The following CAMK1D variants were observed in gnomAD, a reference collection of about 807,000 sequenced individuals.
The protein encoded by CAMK1D is calcium/calmodulin dependent protein kinase ID, also known as calcium/calmodulin-dependent protein kinase type 1D.
Under a neutral mutation model 47.7 loss-of-function variants are expected in CAMK1D, and 9 were observed. The ratio of observed to expected loss-of-function variants is 0.19; its 90% CI spans 0.11 to 0.33. The LOEUF (loss-of-function observed/expected upper bound fraction) is 0.33, where lower values mean the gene tolerates loss of function less well. Ranked by LOEUF, CAMK1D falls within the 10% of genes least tolerant of loss-of-function variation. The pLI is 1.00. For missense variants in CAMK1D, 291 were observed against 488.7 expected (o/e 0.60, Z 3.81); for synonymous variants, 184 against 184.9 (o/e 0.99, Z 0.04).
At chr10:12,685,929 C>T (rs1302674770) in intron 3 of CAMK1D, among the ~76,000 whole-genome samples, 1 of 152,190 alleles carries the variant, frequency 6.6e-6, no homozygotes, top group African/African-American at 2.4e-5. Flanking sequence ...TCAAGTACAT[C>T]TTACTTTGTT....
At chr10:12,498,342 C>G (rs1481211050) in intron 1 of CAMK1D, among the ~76,000 whole-genome samples, 3 of 152,204 alleles carry the variant, frequency 2.0e-5, no homozygotes, top group Non-Finnish European at 4.4e-5. Flanking sequence ...GGAAAGAGCT[C>G]ATTTGTTCTG....
At chr10:12,422,348 G>C (rs1233462296) in intron 1 of CAMK1D, among the ~76,000 whole-genome samples, 1 of 152,164 alleles carries the variant, frequency 6.6e-6, no homozygotes, top group Non-Finnish European at 1.5e-5. Context: ...GCCTTTCTCC[G>C]GTTATTCTTG....
intron 3 of CAMK1D, among the ~76,000 whole-genome samples, chr10:12,715,127 A>T (rs1482087551): frequency 6.6e-6 from 1 of 152,166 alleles, no homozygotes; most frequent in Non-Finnish European, 1.5e-5. Flanking sequence ...AGCCTCTGGT[A>T]TCTATCATTC....
chr10:12,387,052 A>C (rs1298051601), intron 1 of CAMK1D, among the ~76,000 whole-genome samples: 3 of 151,518 alleles, frequency 2.0e-5, no homozygotes, highest in Non-Finnish European at 4.4e-5. Context: ...AAATACAAAA[A>C]AATTAGCCAG....
At chr10:12,398,722 TAAATA>T (rs891528702) in intron 1 of CAMK1D, among the ~76,000 whole-genome samples, 3 of 152,146 alleles carry the variant, frequency 2.0e-5, no homozygotes, top group Admixed American at 6.5e-5. Context: ...TAAATTTTGA[TAAATA>T]AAAGGAGAAT....
At chr10:12,374,321 C>G (rs1172260327) in intron 1 of CAMK1D, among the ~76,000 whole-genome samples, 3 of 150,774 alleles carry the variant, frequency 2.0e-5, no homozygotes, top group Non-Finnish European at 4.4e-5. Flanking sequence ...AATCGACCAA[C>G]CAGGGCAAGG....
chr10:12,402,787 G>T (rs571748122), intron 1 of CAMK1D, among the ~76,000 whole-genome samples: 1 of 152,126 alleles, frequency 6.6e-6, no homozygotes, highest in Admixed American at 6.5e-5. Context: ...AGGAGCATCA[G>T]TTGGAAGTGA....
At chr10:12,541,975 A>G (rs761818151) in intron 1 of CAMK1D, among the ~76,000 whole-genome samples, 14 of 151,530 alleles carry the variant, frequency 9.2e-5, no homozygotes, top group Non-Finnish European at 1.8e-4. Flanking sequence ...ACCCAGCCCA[A>G]GTGATCCTCC....
chr10:12,773,341 T>C (rs2130941840), intron 5 of CAMK1D, among the ~76,000 whole-genome samples: 1 of 152,328 alleles, frequency 6.6e-6, no homozygotes, highest in African/African-American at 2.4e-5. Context: ...CCTCTGCAGA[T>C]ACTAGCATCC....
intron 1 of CAMK1D, among the ~76,000 whole-genome samples, chr10:12,386,676 A>G (rs2131881283): frequency 6.6e-6 from 1 of 152,288 alleles, no homozygotes; most frequent in East Asian, 1.9e-4. Context: ...AATTATATTT[A>G]TAGGGAGAGG....
chr10:12,512,886 GT>G (rs1478336817), intron 1 of CAMK1D, among the ~76,000 whole-genome samples: 3 of 152,228 alleles, frequency 2.0e-5, no homozygotes, highest in Non-Finnish European at 2.9e-5. Context: ...AATATTGACA[GT>G]TCCCATAATA....
chr10:12,529,541 AT>A (rs1298131796), intron 1 of CAMK1D, among the ~76,000 whole-genome samples: 2 of 152,176 alleles, frequency 1.3e-5, no homozygotes, highest in African/African-American at 4.8e-5. Context: ...GGATTGCATG[AT>A]TTATATCGAC....
At chr10:12,401,512 G>A (rs987588225) in intron 1 of CAMK1D, among the ~76,000 whole-genome samples, 1 of 150,588 alleles carries the variant, frequency 6.6e-6, no homozygotes, top group African/African-American at 2.4e-5. Context: ...CACAAAAACA[G>A]CCAGTGCTGA....
At chr10:12,431,053 C>T (rs1346444405) in intron 1 of CAMK1D, among the ~76,000 whole-genome samples, 1 of 152,154 alleles carries the variant, frequency 6.6e-6, no homozygotes, top group Non-Finnish European at 1.5e-5. Flanking sequence ...CCAGCTGATA[C>T]ATGTGATTAT....
chr10:12,803,279 C>A (rs1838563712), intron 6 of CAMK1D, among the ~76,000 whole-genome samples: 1 of 152,204 alleles, frequency 6.6e-6, no homozygotes, highest in Non-Finnish European at 1.5e-5. Flanking sequence ...TTCCACTGTC[C>A]CATTTAAATA....
At chr10:12,666,701 TACTC>T (rs1306304905) in intron 2 of CAMK1D, 31 bp from the exon 3 acceptor site, 2 of 1,515,250 alleles carry the variant, frequency 1.3e-6, no homozygotes, top group African/African-American at 1.4e-5. Context: ...TATCTAATCA[TACTC>T]ACTATTTTGT....
rs75457558 is a variant in CAMK1D, at chr10:12,777,029, A to T, written c.565+7230A>T. Among the ~76,000 whole-genome samples, 188 of 152,308 alleles carry T rather than the reference A, an allele frequency of 1.2e-3. 3 individuals carry two copies. The East Asian group carries it at 0.034, about 28-fold the overall frequency. On this transcript the variant is annotated intron_variant, in intron 5 of 10. Transcript: ENST00000619168. Reference sequence around the variant, plus strand: ...GCAAATAACTTTTAGCCAGTAGGCAAATTTGCAGATAGAGAATCCTTGAGT... The same window carrying T: ...GCAAATAACTTTTAGCCAGTAGGCATATTTGCAGATAGAGAATCCTTGAGT...
In CAMK1D at chr10:12,833,902, A is replaced by G. The variant is rs1181025141; in HGVS notation, c.*5015A>G. 7.6e-6 allele frequency: 1 copy of G among 130,952 alleles called. No individual in the cohort carries two copies. The highest frequency in any genetic ancestry group is 8.7e-5 in the Admixed American group (1 of 11,472). 8.1% of individuals were successfully genotyped at this position (130,952 alleles called of 1,614,324 possible). On this transcript the variant is annotated 3_prime_UTR_variant, in exon 11 of 11. Transcript: ENST00000619168. ...TCCTTAAACACATTCCAGACCAAAC[A>G]CTGTTCAGTTTGTTAAAAAAAAAAA...
At chr10:12,668,102 G>A (rs1337904973) in intron 3 of CAMK1D, among the ~76,000 whole-genome samples, 1 of 152,134 alleles carries the variant, frequency 6.6e-6, no homozygotes, top group Non-Finnish European at 1.5e-5. Flanking sequence ...TTGTTCTTCT[G>A]TTTGCGTTAC....
Sources: allele counts gnomAD v4.1 joint callset (sites outside exome capture counted in the v4.1 genomes callset), GRCh38; gene constraint gnomAD v4.1.1; transcripts MANE v1.5; gene names NCBI Gene and HGNC (gene_info 2026-07-23, HGNC 2026-07-21).